The following GSE1 variants were observed in gnomAD, a reference collection of about 807,000 sequenced individuals.
The protein encoded by GSE1 is Gse1 coiled-coil protein, also known as genetic suppressor element 1.
A neutral mutation model predicts 112.6 loss-of-function variants in GSE1; 32 were observed. The observed-to-expected ratio is 0.28, with a 90% CI of 0.21 to 0.38. The LOEUF (loss-of-function observed/expected upper bound fraction) is 0.38, where lower values mean the gene tolerates loss of function less well. Ranked by LOEUF, GSE1 falls within the 10% of genes least tolerant of loss-of-function variation. The pLI is 1.00. For synonymous variants in GSE1, 1,115 were observed against 735.6 expected, an observed-to-expected ratio of 1.52 and a Z score of -8.35; for missense variants, 2,348 against 1,699.2, an observed-to-expected ratio of 1.38 and a Z score of -6.71.
chr16:85,254,254 A>T (rs1906827596), intron 1 of GSE1, among the ~76,000 whole-genome samples: 1 of 151,910 alleles, frequency 6.6e-6, no homozygotes. Context: ...ACTGGAGCCC[A>T]CTCCTGGGAA....
intron 2 of GSE1, among the ~76,000 whole-genome samples, chr16:85,497,490 C>T (rs2051219858): frequency 2.6e-5 from 4 of 152,206 alleles, no homozygotes. Context: ...CAGTGCCCAG[C>T]ACAGGGTCAC....
Position 85,231,072 on chromosome 16 carries a change from A to G in GSE1, c.2283+59265A>G, listed in dbSNP as rs930341822. On this transcript the variant is annotated intron_variant, in intron 1 of 2. Transcript: ENST00000637419. ...GATGATGATGGATGGATAGCTGGACAGAGGGATGGATGGATGGATGGATGG... is the reference window on the plus strand; with the variant it reads ...GATGATGATGGATGGATAGCTGGACGGAGGGATGGATGGATGGATGGATGG... 2.7e-4 allele frequency among the ~76,000 whole-genome samples: 34 copies of G among 124,378 alleles called. 1 individual carries two copies. Among genetic ancestry groups the G allele is most frequent in the African/African-American group, 9.3e-4 (29 of 31,090 alleles). 81.6% of individuals were successfully genotyped at this position (124,378 alleles called of 152,430 possible). A position where few individuals can be genotyped will look rare whatever the true frequency, so the allele number is the denominator to read the frequency against.
At chr16:85,328,465 C>T (rs1305326063) in intron 1 of GSE1, among the ~76,000 whole-genome samples, 2 of 152,256 alleles carry the variant, frequency 1.3e-5, no homozygotes, top group Non-Finnish European at 2.9e-5. Flanking sequence ...GAGGCCTTCC[C>T]CCGCCCGCCT....
At chr16:85,387,144 C>T (rs1476291027) in intron 2 of GSE1, among the ~76,000 whole-genome samples, 2 of 152,198 alleles carry the variant, frequency 1.3e-5, no homozygotes, top group Non-Finnish European at 1.5e-5. Flanking sequence ...CCAGATGCCA[C>T]AGGTACTGGA....
In GSE1 at chr16:85,220,359, A is replaced by T. The variant is rs1436177089; in HGVS notation, c.2283+48552A>T. Among the ~76,000 whole-genome samples, 4 of 152,198 alleles carry T rather than the reference A, an allele frequency of 2.6e-5. No homozygotes were observed. The East Asian group carries it at 7.7e-4, about 29-fold the overall frequency. On this transcript the variant is annotated intron_variant, in intron 1 of 2. Coordinates refer to the GSE1 transcript ENST00000637419. The stretch of plus-strand genomic sequence containing the variant: ...CCAGGAGCCTTGGCTGGGAGAGGCA[A>T]GCGAGGCTCCAAGCCGGCGAGCGGG...
At chr16:85,269,063 A>C (rs962914319) in intron 1 of GSE1, among the ~76,000 whole-genome samples, 2 of 149,398 alleles carry the variant, frequency 1.3e-5, no homozygotes, top group African/African-American at 4.8e-5. Flanking sequence ...TGGGGTGGGC[A>C]TGCCCTGCAT....
intron 1 of GSE1, among the ~76,000 whole-genome samples, chr16:85,185,934 C>T (rs1044615025): frequency 1.3e-5 from 2 of 152,180 alleles, no homozygotes; most frequent in Non-Finnish European, 1.5e-5. Flanking sequence ...CTGCCGAGGG[C>T]GCGGAGGCCT....
rs997756419 is a variant in GSE1, at chr16:85,419,950, A to T, written c.2464+62307A>T. Among the ~76,000 whole-genome samples the T allele has an allele frequency of 6.6e-6, 1 of 152,216 alleles. No individual in the cohort carries two copies. Among genetic ancestry groups the T allele is most frequent in the Non-Finnish European group, 1.5e-5 (1 of 68,028 alleles). ...CAGCAGGGGCAAAGTCTGAGCTAGG[A>T]AGGCCCCTCTGAGGCCCAGCTGGCA... On this transcript the variant is annotated intron_variant, in intron 2 of 2. Transcript: ENST00000637419. This position sits in a 1 kb window ranked among gnomAD's most constrained non-coding sequence, Gnocchi z 6.5.
chr16:85,462,873 C>T (rs2050011671), intron 2 of GSE1, among the ~76,000 whole-genome samples: 1 of 148,802 alleles, frequency 6.7e-6, no homozygotes, highest in Non-Finnish European at 1.5e-5. Context: ...CCCCGGGCTC[C>T]ACGCCGCGGG....
At chr16:85,611,323 T>TC (rs1233917804), upstream of GSE1, 7 of 20,314 alleles carry the variant, frequency 3.4e-4, no homozygotes, top group Non-Finnish European at 6.6e-4. Context: ...CCCCTCCCCC[T>TC]CCCCCTCCCA....
intron 1 of GSE1, among the ~76,000 whole-genome samples, chr16:85,290,564 A>T (rs2045179235): frequency 6.6e-6 from 1 of 152,314 alleles, no homozygotes; most frequent in East Asian, 1.9e-4. Flanking sequence ...CTGCCCAAGG[A>T]CCAAGGACGC....
intron 1 of GSE1, among the ~76,000 whole-genome samples, chr16:85,178,750 G>C (rs1567590984): frequency 6.6e-6 from 1 of 151,906 alleles, no homozygotes; most frequent in Non-Finnish European, 1.5e-5. Context: ...GGGTCTTGGG[G>C]GCAGTGATGG....
intron 1 of GSE1, among the ~76,000 whole-genome samples, chr16:85,201,000 C>T (rs2075018195): frequency 6.6e-6 from 1 of 152,232 alleles, no homozygotes; most frequent in Admixed American, 6.5e-5. Context: ...GTGTCTAGAA[C>T]AGAACGAAGC....
At chr16:85,629,830 G>A (rs1016056111) in intron 1 of GSE1, among the ~76,000 whole-genome samples, 29 of 152,196 alleles carry the variant, frequency 1.9e-4, no homozygotes, top group African/African-American at 6.8e-4. Flanking sequence ...GGGGCGGCCT[G>A]GATTAATAGA....
Position 85,438,921 on chromosome 16 carries a change from C to CGCG in GSE1, c.2464+81281_2464+81283dup, listed in dbSNP as rs1251428277. On this transcript the variant is annotated intron_variant, in intron 2 of 2. Coordinates refer to the GSE1 transcript ENST00000637419. ...TGCAGTCCTAGGGTAGGGATCCCCC[C>CGCG]GCGGCCTCCTGCCTGCCTCCAGGGG... 3.3e-5 allele frequency among the ~76,000 whole-genome samples: 5 copies of CGCG among 152,330 alleles called. No individual in the cohort carries two copies. In the South Asian group the frequency reaches 8.3e-4, roughly 25 times the overall value.
At chr16:85,606,926 C>T (rs139597923), upstream of GSE1, among the ~76,000 whole-genome samples, 262 of 152,308 alleles carry the variant, frequency 1.7e-3, 2 homozygotes, top group African/African-American at 5.8e-3. Flanking sequence ...TCGGCCTGGC[C>T]CCGCCATATA....
At chr16:85,221,921 A>G (rs2075400541) in intron 1 of GSE1, among the ~76,000 whole-genome samples, 1 of 151,870 alleles carries the variant, frequency 6.6e-6, no homozygotes, top group Admixed American at 6.5e-5. Context: ...GAGGGAGTTG[A>G]CTCAGCTGCC....
chr16:85,221,443 A>G, intron 1 of GSE1, among the ~76,000 whole-genome samples: 1 of 151,876 alleles, frequency 6.6e-6, no homozygotes, highest in East Asian at 1.9e-4. Flanking sequence ...GTGTGTGCAC[A>G]TGTGTACACA....
intron 2 of GSE1, among the ~76,000 whole-genome samples, chr16:85,393,065 G>A (rs2047881125): frequency 1.3e-5 from 2 of 152,212 alleles, no homozygotes; most frequent in Non-Finnish European, 2.9e-5. Flanking sequence ...CTGGTGCAGG[G>A]CCTGCAGTCG....
Sources: allele counts gnomAD v4.1 joint callset (sites outside exome capture counted in the v4.1 genomes callset), GRCh38; gene constraint gnomAD v4.1.1; non-coding constraint Gnocchi (gnomAD v3.1); transcripts MANE v1.5; gene names NCBI Gene and HGNC (gene_info 2026-07-23, HGNC 2026-07-21).